Variants in THEMIS observed in about 807,000 individuals in gnomAD.
THEMIS encodes thymocyte selection associated.
In THEMIS, 37 loss-of-function variants were observed where a neutral mutation model predicts 52.6. The observed-to-expected ratio is 0.70, with a 90% CI of 0.54 to 0.93. THEMIS has a LOEUF of 0.93. THEMIS is among the 40% of genes least tolerant of loss of function. THEMIS has a pLI of 0.00. For missense variants in THEMIS, 808 were observed against 763.1 expected (o/e 1.06, Z -0.69); for synonymous variants, 292 against 272.7 (o/e 1.07, Z -0.70).
chr6:127,883,154 G>A (rs1304387362), intron 1 of THEMIS, among the ~76,000 whole-genome samples: 1 of 151,862 alleles, frequency 6.6e-6, no homozygotes, highest in East Asian at 1.9e-4. Context: ...AATTTGTGTA[G>A]CCAAAATGCC....
intron 4 of THEMIS, among the ~76,000 whole-genome samples, chr6:127,751,050 G>T (rs1159201650): frequency 1.3e-5 from 2 of 151,676 alleles, no homozygotes; most frequent in Non-Finnish European, 3.0e-5. Flanking sequence ...AAAGGTAAGG[G>T]TATAGTCAAA....
intron 3 of THEMIS, among the ~76,000 whole-genome samples, chr6:127,820,814 AT>A (rs144857189): frequency 3.3e-5 from 5 of 151,820 alleles, no homozygotes; most frequent in Admixed American, 6.6e-5. Context: ...TATTCTGTTG[AT>A]TTTTTTATAT....
intron 5 of THEMIS, among the ~76,000 whole-genome samples, chr6:127,719,069 A>G (rs1028335711): frequency 6.6e-6 from 1 of 151,968 alleles, no homozygotes; most frequent in Non-Finnish European, 1.5e-5. Flanking sequence ...AAAGTGTAAT[A>G]GAAATTGAGG....
At chr6:127,825,077 A>C (rs955847034) in intron 3 of THEMIS, among the ~76,000 whole-genome samples, 2 of 152,214 alleles carry the variant, frequency 1.3e-5, no homozygotes, top group African/African-American at 2.4e-5. Flanking sequence ...AAAATTAAAA[A>C]TTCATTAAAA....
rs1777479077 is a variant in THEMIS, at chr6:127,800,015, T to G, written c.1758+12868A>C. On this transcript the variant is annotated intron_variant, in intron 4 of 5. Coordinates refer to ENST00000368248, the MANE Select transcript of THEMIS (RefSeq NM_001010923.3). Reference sequence around the variant, plus strand: ...AAATCACAAACGTTCTTCATAGTACTGAGTCCCTTAAAATGTTGTTCATTA... The same window carrying G: ...AAATCACAAACGTTCTTCATAGTACGGAGTCCCTTAAAATGTTGTTCATTA... Among the ~76,000 whole-genome samples the G allele has an allele frequency of 2.0e-5, 3 of 152,232 alleles. No individual in the cohort carries two copies. The South Asian group carries it at 6.2e-4, about 31-fold the overall frequency.
At chr6:127,857,749 A>G (rs1393008649) in intron 1 of THEMIS, among the ~76,000 whole-genome samples, 1 of 152,030 alleles carries the variant, frequency 6.6e-6, no homozygotes, top group Admixed American at 6.6e-5. Flanking sequence ...CAAGATCCCT[A>G]GATGATTTAT....
At chr6:127,809,926 C>T (rs1014281009) in intron 4 of THEMIS, among the ~76,000 whole-genome samples, 2 of 151,322 alleles carry the variant, frequency 1.3e-5, no homozygotes, top group African/African-American at 2.4e-5. Context: ...AACCTCTTAA[C>T]ATCTTTAACA....
chr6:127,915,456 G>T (rs1781501634), intron 1 of THEMIS, among the ~76,000 whole-genome samples: 1 of 152,026 alleles, frequency 6.6e-6, no homozygotes. Context: ...GCCTTGTTCG[G>T]GCCTATTGCT....
chr6:127,720,023 A>G (rs1187002541), intron 4 of THEMIS, among the ~76,000 whole-genome samples, 200 bp from the exon 5 acceptor site: 2 of 151,992 alleles, frequency 1.3e-5, no homozygotes, highest in Non-Finnish European at 2.9e-5. Flanking sequence ...CTAAGTAACT[A>G]GAATAAGAAG....
chr6:127,731,487 C>T (rs1219299914), intron 4 of THEMIS, among the ~76,000 whole-genome samples: 2 of 151,076 alleles, frequency 1.3e-5, no homozygotes, highest in Non-Finnish European at 2.9e-5. Flanking sequence ...TTATTTTGTG[C>T]TTACTAAGTG....
intron 3 of THEMIS, among the ~76,000 whole-genome samples, chr6:127,816,486 C>A (rs888000253): frequency 1.3e-5 from 2 of 152,200 alleles, no homozygotes; most frequent in African/African-American, 4.8e-5. Context: ...AAGCTATATG[C>A]TGTCTTCCCA....
intron 4 of THEMIS, among the ~76,000 whole-genome samples, chr6:127,802,190 A>G (rs1777558686): frequency 6.6e-6 from 1 of 152,162 alleles, no homozygotes; most frequent in Non-Finnish European, 1.5e-5. Context: ...GGAGATTGGG[A>G]TGGTGGAGTG....
At chr6:127,908,495 G>T (rs1781332478) in intron 1 of THEMIS, among the ~76,000 whole-genome samples, 1 of 152,114 alleles carries the variant, frequency 6.6e-6, no homozygotes, top group African/African-American at 2.4e-5. Flanking sequence ...TCTGCCTACT[G>T]CTCGGTGCCA....
chr6:127,814,755 G>A (rs982446495), intron 3 of THEMIS, among the ~76,000 whole-genome samples: 1 of 152,104 alleles, frequency 6.6e-6, no homozygotes, highest in Non-Finnish European at 1.5e-5. Flanking sequence ...TGTCTCACGA[G>A]TCTTCCTTTG....
Position 127,829,733 on chromosome 6 carries a change from C to G in THEMIS, c.452G>C (p.Ser151Thr), listed in dbSNP as rs1460088691. 12 of 1,614,000 alleles carry G rather than the reference C, an allele frequency of 7.4e-6. No individual in the cohort carries two copies. Among genetic ancestry groups the G allele is most frequent in the Non-Finnish European group, 1.0e-5 (12 of 1,180,020 alleles). ...VEEIDGEIMV[S>T]CAVARNHQTH... ...TTGATGATTCCTTGCTACTGCACAGCTCACCATTATTTCTCCATCAATCTC... is the reference window on the plus strand; with the variant it reads ...TTGATGATTCCTTGCTACTGCACAGGTCACCATTATTTCTCCATCAATCTC... The change falls in exon 3 of 6, where the codon AGC becomes ACC. Residue 151 changes from serine to threonine, a missense_variant. Physicochemically the swap from Ser to Thr is moderately conservative, Grantham distance 58. Coordinates refer to ENST00000368248, the MANE Select transcript of THEMIS (RefSeq NM_001010923.3).
chr6:127,842,424 A>AG (rs896715400), intron 2 of THEMIS, among the ~76,000 whole-genome samples: 13 of 152,058 alleles, frequency 8.5e-5, no homozygotes, highest in African/African-American at 3.1e-4. Flanking sequence ...TTAGCCATTT[A>AG]GCCTTAATTA....
chr6:127,733,433 A>C (rs1311957759), intron 4 of THEMIS, among the ~76,000 whole-genome samples: 3 of 152,206 alleles, frequency 2.0e-5, no homozygotes, highest in Non-Finnish European at 4.4e-5. Context: ...CAAAGAACTT[A>C]ACCAGGTTCA....
At chr6:127,768,790 A>G (rs1776279869) in intron 4 of THEMIS, among the ~76,000 whole-genome samples, 1 of 152,344 alleles carries the variant, frequency 6.6e-6, no homozygotes, top group African/African-American at 2.4e-5. Context: ...ACCTCGATGT[A>G]GCTGGATGAT....
Position 127,833,466 on chromosome 6 carries a change from G to A in THEMIS, c.251-3532C>T, listed in dbSNP as rs577069236. Among the ~76,000 whole-genome samples the A allele has an allele frequency of 2.2e-3, 329 of 152,266 alleles. 1 individual carries two copies. The highest frequency in any genetic ancestry group is 0.01 in the Middle Eastern group (3 of 294). On this transcript the variant is annotated intron_variant, in intron 2 of 5. Coordinates refer to ENST00000368248, the MANE Select transcript of THEMIS (RefSeq NM_001010923.3). Reference sequence around the variant, plus strand: ...ATAGTTACAATTTTTACAACTGGTAGTCATAGCTCTGGAATCTCAATCTGA... The same window carrying A: ...ATAGTTACAATTTTTACAACTGGTAATCATAGCTCTGGAATCTCAATCTGA...
Sources: gnomAD v4.1 joint callset for allele counts (sites outside exome capture counted in the v4.1 genomes callset) on GRCh38, gnomAD v4.1.1 for gene constraint, MANE v1.5 for transcripts, NCBI Gene and HGNC (gene_info 2026-07-23, HGNC 2026-07-21) for gene names.